The following DLG2 variants were observed in gnomAD, a reference collection of about 807,000 sequenced individuals.
DLG2 encodes discs large MAGUK scaffold protein 2, also known as disks large homolog 2.
A neutral mutation model predicts 132.5 loss-of-function variants in DLG2; 45 were observed. The ratio of observed to expected loss-of-function variants is 0.34; its 90% confidence interval spans 0.27 to 0.44. The LOEUF (loss-of-function observed/expected upper bound fraction) is 0.44. Ranked by LOEUF, DLG2 falls within the 20% of genes least tolerant of loss-of-function variation. The pLI is 1.00. For synonymous variants in DLG2, 424 were observed against 419.6 expected, an observed-to-expected ratio of 1.01 and a Z score of -0.13; for missense variants, 1,045 against 1,196.9, an observed-to-expected ratio of 0.87 and a Z score of 1.87.
chr11:83,466,292 C>T (rs1164091646), intron 26 of DLG2, among the ~76,000 whole-genome samples: 1 of 152,126 alleles, frequency 6.6e-6, no homozygotes, highest in Non-Finnish European at 1.5e-5. Context: ...ATAGACCTGC[C>T]TCAGAAGTAT....
intron 7 of DLG2, among the ~76,000 whole-genome samples, chr11:84,307,234 A>T (rs1327225447): frequency 6.6e-6 from 1 of 152,210 alleles, no homozygotes; most frequent in East Asian, 1.9e-4. Context: ...ATCCTAAGCA[A>T]ATTAACACAG....
chr11:83,532,831 T>C, intron 20 of DLG2, 48 bp from the exon 21 acceptor site: 1 of 1,515,856 alleles, frequency 6.6e-7, no homozygotes, highest in African/African-American at 1.4e-5. Flanking sequence ...AAGGCATTTA[T>C]GACTAAGTTC....
chr11:85,534,315 C>G (rs1293690913), intron 3 of DLG2, among the ~76,000 whole-genome samples: 1 of 151,926 alleles, frequency 6.6e-6, no homozygotes, highest in Non-Finnish European at 1.5e-5. Flanking sequence ...AAAAAAAGGT[C>G]TTTTTTATTT....
intron 6 of DLG2, among the ~76,000 whole-genome samples, chr11:84,774,792 C>G (rs529417229): frequency 6.6e-6 from 1 of 152,078 alleles, no homozygotes; most frequent in Non-Finnish European, 1.5e-5. Context: ...AAAATTAACT[C>G]AAGATTGATT....
chr11:84,028,809 T>G (rs1198521253), intron 11 of DLG2, among the ~76,000 whole-genome samples: 2 of 152,134 alleles, frequency 1.3e-5, no homozygotes, highest in Admixed American at 6.6e-5. Context: ...CCTCTCCTTC[T>G]TTTATGTCTC....
At chr11:85,340,992 T>C (rs1163173637) in intron 3 of DLG2, among the ~76,000 whole-genome samples, 1 of 152,250 alleles carries the variant, frequency 6.6e-6, no homozygotes, top group Non-Finnish European at 1.5e-5. Flanking sequence ...CACAGTTATC[T>C]CAGAACCATT....
At chr11:84,923,879 A>G (rs996315033) in intron 6 of DLG2, among the ~76,000 whole-genome samples, 3 of 152,082 alleles carry the variant, frequency 2.0e-5, no homozygotes, top group South Asian at 4.2e-4. Context: ...AAGTTGCCAG[A>G]CTCCATAATA....
At chr11:83,879,035 T>C (rs1328969996) in intron 15 of DLG2, among the ~76,000 whole-genome samples, 1 of 152,168 alleles carries the variant, frequency 6.6e-6, no homozygotes, top group South Asian at 2.1e-4. Context: ...TCCAAACTGT[T>C]GCCTAAAAAA....
intron 16 of DLG2, among the ~76,000 whole-genome samples, chr11:83,855,656 G>T (rs915397110): frequency 3.3e-5 from 5 of 152,136 alleles, no homozygotes; most frequent in Non-Finnish European, 7.4e-5. Context: ...GTAGTTGATG[G>T]GGTATAGGGG....
chr11:84,119,643 C>G (rs2093809488), intron 9 of DLG2, among the ~76,000 whole-genome samples: 1 of 152,000 alleles, frequency 6.6e-6, no homozygotes, highest in East Asian at 1.9e-4. Flanking sequence ...TGATGTGCCC[C>G]ATTTTTACCT....
chr11:85,099,174 C>T (rs1206810963), intron 6 of DLG2, among the ~76,000 whole-genome samples: 1 of 152,208 alleles, frequency 6.6e-6, no homozygotes, highest in African/African-American at 2.4e-5. Flanking sequence ...CTGGAGGCTG[C>T]TTCATGAAGT....
intron 6 of DLG2, among the ~76,000 whole-genome samples, chr11:84,564,437 C>T (rs2099441904): frequency 6.6e-6 from 1 of 152,134 alleles, no homozygotes; most frequent in Non-Finnish European, 1.5e-5. Flanking sequence ...AAGATCCCAT[C>T]CGAGAATGTA....
chr11:84,079,740 AT>A (rs137939306), intron 10 of DLG2, among the ~76,000 whole-genome samples: 4,384 of 152,264 alleles, frequency 0.029, 198 homozygotes, highest in African/African-American at 0.099. Context: ...TAAAGAATAA[AT>A]TACTTACTAT....
At chr11:84,145,795 G>C (rs1320257722) in intron 9 of DLG2, among the ~76,000 whole-genome samples, 3 of 152,120 alleles carry the variant, frequency 2.0e-5, no homozygotes, top group Non-Finnish European at 4.4e-5. Context: ...GGAGAAGGCT[G>C]GAGTCAGCAG....
intron 6 of DLG2, among the ~76,000 whole-genome samples, chr11:84,663,935 C>A (rs1240709936): frequency 6.6e-6 from 1 of 152,196 alleles, no homozygotes; most frequent in Non-Finnish European, 1.5e-5. Flanking sequence ...GGTGCCCAGG[C>A]AGGCAAGCCA....
intron 3 of DLG2, among the ~76,000 whole-genome samples, chr11:85,478,824 A>G (rs2093215073): frequency 6.6e-6 from 1 of 152,228 alleles, no homozygotes; most frequent in Non-Finnish European, 1.5e-5. Context: ...TGGTTGTTTA[A>G]GCAATTAAAT....
intron 7 of DLG2, among the ~76,000 whole-genome samples, chr11:84,531,155 T>C (rs1029332035): frequency 6.6e-6 from 1 of 152,080 alleles, no homozygotes; most frequent in South Asian, 2.1e-4. Flanking sequence ...GGATAAAGAA[T>C]GAGATCATAT....
intron 6 of DLG2, among the ~76,000 whole-genome samples, chr11:84,902,791 T>G (rs1408056780): frequency 6.6e-6 from 1 of 152,182 alleles, no homozygotes; most frequent in Non-Finnish European, 1.5e-5. Flanking sequence ...AGGTCTGTGC[T>G]GAAATTCTCT....
At chr11:85,021,869 T>C (rs921846551) in intron 6 of DLG2, among the ~76,000 whole-genome samples, 3 of 152,112 alleles carry the variant, frequency 2.0e-5, no homozygotes, top group Non-Finnish European at 2.9e-5. Flanking sequence ...TTTTCACACG[T>C]CATGGAACTA....
Sources: allele counts gnomAD v4.1 joint callset (sites outside exome capture counted in the v4.1 genomes callset), GRCh38; gene constraint gnomAD v4.1.1; transcripts MANE v1.5; gene names NCBI Gene and HGNC (gene_info 2026-07-23, HGNC 2026-07-21).